The following CRYBG1 variants were observed in gnomAD, a reference collection of about 807,000 sequenced individuals.
The protein encoded by CRYBG1 is beta/gamma crystallin domain-containing protein 1.
CRYBG1 carries 139 observed loss-of-function variants against 189.2 expected under a neutral mutation model. The observed-to-expected ratio is 0.73, with a 90% CI of 0.64 to 0.85. The LOEUF (loss-of-function observed/expected upper bound fraction) is 0.85. Ranked by LOEUF, CRYBG1 falls within the 40% of genes least tolerant of loss-of-function variation. The pLI, the probability that CRYBG1 is intolerant of heterozygous loss-of-function variation, is 0.00. For missense variants in CRYBG1, 2,611 were observed against 2,675.8 expected, an observed-to-expected ratio of 0.98 and a Z score of 0.53; for synonymous variants, 1,023 against 1,017.1, an observed-to-expected ratio of 1.01 and a Z score of -0.11.
At chr6:106,498,289 A>G (rs1344327895) in intron 2 of CRYBG1, among the ~76,000 whole-genome samples, 2 of 152,126 alleles carry the variant, frequency 1.3e-5, no homozygotes, top group African/African-American at 2.4e-5. Flanking sequence ...TAAAGCAAAC[A>G]CCTGTATTAC....
chr6:106,519,112 T>C lies in CRYBG1; in HGVS notation c.1923-19T>C, dbSNP rs754657402. The C allele has an allele frequency of 1.9e-5, 30 of 1,585,806 alleles. No individual in the cohort carries two copies. Among genetic ancestry groups the C allele is most frequent in the Non-Finnish European group, 2.4e-5 (28 of 1,168,608 alleles). ...TAAAACTAGGTCAATAACTTTATCT[T>C]CCTGCTTTTTCCTCACAGCCCTGCC... On this transcript the variant is annotated intron_variant, in intron 3 of 21. Coordinates refer to ENST00000633556, the MANE Select transcript of CRYBG1 (RefSeq NM_001371242.2).
chr6:106,454,587 C>G (rs1335630006), intron 2 of CRYBG1, among the ~76,000 whole-genome samples: 1 of 152,196 alleles, frequency 6.6e-6, no homozygotes, highest in East Asian at 1.9e-4. Flanking sequence ...CAAGGACCAC[C>G]AATGACCTTC....
At chr6:106,488,200 A>G (rs941635276) in intron 2 of CRYBG1, among the ~76,000 whole-genome samples, 1 of 152,176 alleles carries the variant, frequency 6.6e-6, no homozygotes, top group African/African-American at 2.4e-5. Context: ...CAGATGTGGC[A>G]GGCCAGCAGA....
At chr6:106,362,283 T>TA (rs1226251085) in intron 1 of CRYBG1, among the ~76,000 whole-genome samples, 7 of 152,108 alleles carry the variant, frequency 4.6e-5, no homozygotes, top group Non-Finnish European at 1.0e-4. Flanking sequence ...CTTTTATTTG[T>TA]AAAAAAAGTC....
At chr6:106,361,530 C>A (rs1474234616) in intron 1 of CRYBG1, among the ~76,000 whole-genome samples, 12 of 152,118 alleles carry the variant, frequency 7.9e-5, no homozygotes, top group African/African-American at 2.9e-4. Flanking sequence ...TGTTATACCC[C>A]CATTCTCCTC....
chr6:106,403,862 A>G lies in CRYBG1; in HGVS notation c.173+42781A>G, dbSNP rs148178846. Among the ~76,000 whole-genome samples the G allele has an allele frequency of 1.6e-3, 248 of 152,352 alleles. 3 individuals carry two copies. Among genetic ancestry groups the G allele is most frequent in the African/African-American group, 5.6e-3 (232 of 41,576 alleles). On this transcript the variant is annotated intron_variant, in intron 1 of 21. Transcript: ENST00000633556. ...TTGAGGTGATCTAAGAAAGGTCAAA[A>G]CATGGTAGCTTAAAAACAATGTGCA...
At chr6:106,521,523 C>T (rs1463423356) in intron 4 of CRYBG1, 70 bp downstream of exon 4, 5 of 1,433,064 alleles carry the variant, frequency 3.5e-6, no homozygotes, top group East Asian at 4.6e-5. Flanking sequence ...TGATGAGCAA[C>T]TCATGTTATT....
chr6:106,381,957 C>A (rs1770297790), intron 1 of CRYBG1, among the ~76,000 whole-genome samples: 1 of 152,056 alleles, frequency 6.6e-6, no homozygotes. Flanking sequence ...CTATGGTGCA[C>A]CAAGGGAAGA....
At chr6:106,479,951 G>T (rs1772409028) in intron 2 of CRYBG1, among the ~76,000 whole-genome samples, 1 of 151,578 alleles carries the variant, frequency 6.6e-6, no homozygotes, top group Non-Finnish European at 1.5e-5. Flanking sequence ...TTTTCAGGTT[G>T]GTTGTACTTT....
At chr6:106,498,100 TAAAAA>T (rs11295015) in intron 2 of CRYBG1, among the ~76,000 whole-genome samples, 1 of 123,378 alleles carries the variant, frequency 8.1e-6, no homozygotes, top group Non-Finnish European at 1.7e-5. Flanking sequence ...GACTCCGTCT[TAAAAA>T]AAAAAAAAAA....
chr6:106,559,095 C>A (rs1215858546), intron 18 of CRYBG1, among the ~76,000 whole-genome samples: 1 of 152,166 alleles, frequency 6.6e-6, no homozygotes, highest in African/African-American at 2.4e-5. Context: ...TGGGAAAAGT[C>A]ATATGTAAAG....
chr6:106,402,633 A>G (rs1770742995), intron 1 of CRYBG1, among the ~76,000 whole-genome samples: 2 of 150,872 alleles, frequency 1.3e-5, no homozygotes, highest in African/African-American at 4.9e-5. Context: ...CTTACACCTT[A>G]TACAAAAATC....
chr6:106,545,284 C>T (rs751079024), intron 13 of CRYBG1, among the ~76,000 whole-genome samples: 4 of 152,168 alleles, frequency 2.6e-5, no homozygotes, highest in African/African-American at 4.8e-5. Context: ...GGGTCAAAGT[C>T]CCAGTAGATT....
chr6:106,492,512 G>A (rs867360274), intron 2 of CRYBG1, among the ~76,000 whole-genome samples: 16 of 151,902 alleles, frequency 1.1e-4, no homozygotes, highest in Non-Finnish European at 1.9e-4. Context: ...GAGGGAGGGA[G>A]GAAGAGAGGA....
chr6:106,406,158 A>G (rs1159023077), intron 1 of CRYBG1, among the ~76,000 whole-genome samples: 1 of 152,170 alleles, frequency 6.6e-6, no homozygotes, highest in Non-Finnish European at 1.5e-5. Context: ...TGTTAACTAG[A>G]ATAACCAGTT....
chr6:106,488,188 T>C (rs116836482), intron 2 of CRYBG1, among the ~76,000 whole-genome samples: 1,666 of 152,328 alleles, frequency 0.011, 25 homozygotes, highest in African/African-American at 0.037. Context: ...GCTGGACATG[T>C]GCAGATGTGG....
intron 1 of CRYBG1, among the ~76,000 whole-genome samples, chr6:106,440,299 C>A (rs972100624): frequency 6.6e-6 from 1 of 151,478 alleles, no homozygotes; most frequent in Admixed American, 6.6e-5. Context: ...GAGTCTCTCT[C>A]TGTCACCCAG....
intron 17 of CRYBG1, among the ~76,000 whole-genome samples, chr6:106,557,879 G>A (rs1774592890): frequency 6.6e-6 from 1 of 152,188 alleles, no homozygotes; most frequent in Admixed American, 6.5e-5. Flanking sequence ...TTGTGCTGTT[G>A]TCCTCTTTAA....
At chr6:106,384,965 T>C (rs1770356399) in intron 1 of CRYBG1, among the ~76,000 whole-genome samples, 1 of 151,658 alleles carries the variant, frequency 6.6e-6, no homozygotes, top group Non-Finnish European at 1.5e-5. Flanking sequence ...CTCCCATAAT[T>C]CCAGTTTGGC....
Sources: allele counts gnomAD v4.1 joint callset (sites outside exome capture counted in the v4.1 genomes callset), GRCh38; gene constraint gnomAD v4.1.1; transcripts MANE v1.5; gene names NCBI Gene and HGNC (gene_info 2026-07-23, HGNC 2026-07-21).